The following DNAJC10 variants were observed in gnomAD, a reference collection of about 807,000 sequenced individuals.
DNAJC10 encodes endoplasmic reticulum disulfide reductase DNAJC10.
DNAJC10 carries 101 observed loss-of-function variants against 115.0 expected under a neutral mutation model. The observed-to-expected ratio is 0.88, with a 90% CI of 0.75 to 1.04. DNAJC10 has a LOEUF of 1.04. Among genes scored for constraint, DNAJC10 ranks in the 50% least tolerant of loss-of-function variants. The probability of loss-of-function intolerance (pLI) is 0.00; values close to 1 mark genes in which losing one functional copy is unlikely to be tolerated. For synonymous variants in DNAJC10, 307 were observed against 301.5 expected, an observed-to-expected ratio of 1.02 and a Z score of -0.19; for missense variants, 981 against 928.8, an observed-to-expected ratio of 1.06 and a Z score of -0.73.
chr2:182,782,010 G>A lies in DNAJC10; in HGVS notation c.*4878G>A, dbSNP rs537731372. On this transcript the variant is annotated 3_prime_UTR_variant, in exon 24 of 24. Coordinates refer to ENST00000264065, the MANE Select transcript of DNAJC10 (RefSeq NM_018981.4). ...CCATTGCTTTTGGTGTTCTAGTCAT[G>A]AAGTCTTTGCCCATGCCTATGTCCT... 1 of 152,186 alleles carries A rather than the reference G, an allele frequency of 6.6e-6. No individual in the cohort carries two copies. The highest frequency in any genetic ancestry group is 1.5e-5 in the Non-Finnish European group (1 of 68,036). 9.4% of individuals were successfully genotyped at this position (152,186 alleles called of 1,614,324 possible). A position where few individuals can be genotyped will look rare whatever the true frequency, so the allele number is the denominator to read the frequency against.
At chr2:182,773,294 C>G (rs149454986) in intron 22 of DNAJC10, among the ~76,000 whole-genome samples, 2 of 152,300 alleles carry the variant, frequency 1.3e-5, no homozygotes, top group African/African-American at 4.8e-5. Flanking sequence ...CTTGGTGGAT[C>G]TGACAATTAT....
intron 3 of DNAJC10, 21 bp downstream of exon 3, chr2:182,718,311 A>C (rs767415407): frequency 6.5e-7 from 1 of 1,548,056 alleles, no homozygotes; most frequent in East Asian, 2.3e-5. Flanking sequence ...GTTTGTTTTT[A>C]AAAATATTTG....
chr2:182,746,341 G>A (rs964727652), intron 14 of DNAJC10, among the ~76,000 whole-genome samples: 1 of 152,138 alleles, frequency 6.6e-6, no homozygotes, highest in African/African-American at 2.4e-5. Context: ...CTAGTTTACA[G>A]TCCCACCAAC....
intron 14 of DNAJC10, among the ~76,000 whole-genome samples, chr2:182,744,315 A>T (rs1403330277): frequency 2.6e-5 from 4 of 152,212 alleles, no homozygotes; most frequent in Non-Finnish European, 5.9e-5. Context: ...TGAAATGCCC[A>T]TTAGCACCTA....
chr2:182,730,141 C>T (rs1187652323), intron 8 of DNAJC10, among the ~76,000 whole-genome samples, 200 bp downstream of exon 8: 4 of 152,120 alleles, frequency 2.6e-5, no homozygotes, highest in Non-Finnish European at 5.9e-5. Flanking sequence ...GAAACTTGAA[C>T]TATCGAGATA....
rs1694994611 is a variant in DNAJC10, at chr2:182,788,715, A to G, written c.*11583A>G. 2.3e-6 allele frequency: 1 copy of G among 427,568 alleles called. No homozygotes were observed. The highest frequency in any genetic ancestry group is 4.6e-6 in the Non-Finnish European group (1 of 217,326). The allele number at this position is 427,568 out of a possible 1,614,324, so 26.5% of individuals were successfully genotyped here. On this transcript the variant is annotated 3_prime_UTR_variant, in exon 24 of 24. Transcript: ENST00000264065. ...AGCACAAGTAACGTCTATTTATCTC[A>G]GAGGAAATCCAGGGAAGTTCCTACT...
In DNAJC10 at chr2:182,767,501, A is replaced by G. The variant is rs148931143; in HGVS notation, c.2265+4700A>G. On this transcript the variant is annotated intron_variant, in intron 22 of 23. Coordinates refer to ENST00000264065, the MANE Select transcript of DNAJC10 (RefSeq NM_018981.4). Reference sequence around the variant, plus strand: ...TTTATGCATGGGTCCCATCCTCCTGATGGGAGTCAGGACTGTCCCTTACTG... The same window carrying G: ...TTTATGCATGGGTCCCATCCTCCTGGTGGGAGTCAGGACTGTCCCTTACTG... Among the ~76,000 whole-genome samples the G allele has an allele frequency of 4.6e-5, 7 of 152,252 alleles. No individual in the cohort carries two copies. The East Asian group carries it at 1.2e-3, about 25-fold the overall frequency.
intron 23 of DNAJC10, among the ~76,000 whole-genome samples, chr2:182,776,647 A>G (rs1052484781): frequency 2.0e-5 from 3 of 152,172 alleles, no homozygotes; most frequent in Non-Finnish European, 2.9e-5. Context: ...AAGCCTTACA[A>G]CCTACCTCAA....
At chr2:182,718,858 T>G (rs187633782) in intron 3 of DNAJC10, among the ~76,000 whole-genome samples, 2 of 152,256 alleles carry the variant, frequency 1.3e-5, no homozygotes, top group Admixed American at 6.5e-5. Flanking sequence ...TCATTTTAAT[T>G]TTTATGGTGT....
chr2:182,756,674 C>A (rs896476323), intron 18 of DNAJC10, among the ~76,000 whole-genome samples: 1 of 151,762 alleles, frequency 6.6e-6, no homozygotes, highest in Non-Finnish European at 1.5e-5. Context: ...GCATCTGGTA[C>A]ACTTTTTTTT....
intron 22 of DNAJC10, among the ~76,000 whole-genome samples, chr2:182,773,159 C>T (rs1694611577): frequency 6.6e-6 from 1 of 152,024 alleles, no homozygotes. Context: ...GAATATTGGC[C>T]CCCACTATCT....
intron 2 of DNAJC10, among the ~76,000 whole-genome samples, chr2:182,717,740 A>G (rs1189067056): frequency 3.9e-5 from 6 of 152,210 alleles, no homozygotes; most frequent in Non-Finnish European, 8.8e-5. Context: ...ACTACCACTC[A>G]TGACCTTTTT....
intron 5 of DNAJC10, among the ~76,000 whole-genome samples, chr2:182,726,115 C>G (rs532331493): frequency 2.0e-5 from 3 of 152,152 alleles, no homozygotes; most frequent in Admixed American, 1.3e-4. Context: ...ATCAGTGTTA[C>G]AGGAGTTGGG....
At chr2:182,763,582 T>C (rs1694339251) in intron 22 of DNAJC10, among the ~76,000 whole-genome samples, 1 of 152,144 alleles carries the variant, frequency 6.6e-6, no homozygotes, top group African/African-American at 2.4e-5. Context: ...AGGCTGTTTT[T>C]AGCGTTCCTT....
intron 23 of DNAJC10, among the ~76,000 whole-genome samples, chr2:182,775,988 G>A (rs1295740633): frequency 6.6e-6 from 1 of 152,116 alleles, no homozygotes; most frequent in East Asian, 1.9e-4. Flanking sequence ...AACTGCTAAT[G>A]GGTAGTAAGG....
At chr2:182,722,161 A>G in intron 5 of DNAJC10, 86 bp downstream of exon 5, 1 of 999,560 alleles carries the variant, frequency 1.0e-6, no homozygotes, top group South Asian at 1.5e-5. Flanking sequence ...TTTGAAATTT[A>G]GAAATCTTTT....
intron 5 of DNAJC10, among the ~76,000 whole-genome samples, chr2:182,727,359 A>G (rs546337506): frequency 6.6e-6 from 1 of 152,336 alleles, no homozygotes; most frequent in African/African-American, 2.4e-5. Flanking sequence ...TTATATAAAA[A>G]TAACTACCTC....
chr2:182,770,800 T>C (rs1426644523), intron 22 of DNAJC10, among the ~76,000 whole-genome samples: 1 of 152,196 alleles, frequency 6.6e-6, no homozygotes, highest in Non-Finnish European at 1.5e-5. Flanking sequence ...ACCCTTTATT[T>C]CTTTTTCTTG....
chr2:182,771,206 G>A (rs538555186), intron 22 of DNAJC10, among the ~76,000 whole-genome samples: 2 of 152,034 alleles, frequency 1.3e-5, no homozygotes, highest in Non-Finnish European at 2.9e-5. Context: ...GATTCAGTTT[G>A]CCAGTATTTT....
Sources: gnomAD v4.1 joint callset for allele counts (sites outside exome capture counted in the v4.1 genomes callset) on GRCh38, gnomAD v4.1.1 for gene constraint, MANE v1.5 for transcripts, NCBI Gene and HGNC (gene_info 2026-07-23, HGNC 2026-07-21) for gene names.